TECRL: variants seen among roughly 807,000 people sequenced by gnomAD.
TECRL encodes trans-2,3-enoyl-CoA reductase like.
Under a neutral mutation model 52.8 loss-of-function variants are expected in TECRL, and 63 were observed. The observed-to-expected ratio is 1.19, with a 90% CI of 0.97 to 1.47. The LOEUF (loss-of-function observed/expected upper bound fraction) is 1.47, where lower values mean the gene tolerates loss of function less well. TECRL is among the 40% of genes most tolerant of loss of function. The pLI is 0.00. For missense variants in TECRL, 482 were observed against 429.6 expected, an observed-to-expected ratio of 1.12 and a Z score of -1.08; for synonymous variants, 164 against 141.9, an observed-to-expected ratio of 1.16 and a Z score of -1.10.
chr4:64,303,335 C>A (rs1259029704), intron 7 of TECRL, among the ~76,000 whole-genome samples: 1 of 151,394 alleles, frequency 6.6e-6, no homozygotes, highest in Non-Finnish European at 1.5e-5. Context: ...ATCCTAAGCC[C>A]ATATAACTAA....
At chr4:64,287,044 G>A (rs1367532578) in intron 9 of TECRL, among the ~76,000 whole-genome samples, 1 of 152,066 alleles carries the variant, frequency 6.6e-6, no homozygotes, top group Non-Finnish European at 1.5e-5. Context: ...CAATGTATCT[G>A]TGAATTTGGA....
intron 1 of TECRL, among the ~76,000 whole-genome samples, chr4:64,388,659 A>G (rs537832440): frequency 8.0e-4 from 121 of 151,992 alleles, no homozygotes; most frequent in Non-Finnish European, 1.3e-3. Context: ...CCACTAACAT[A>G]AAGTATCTCT....
At chr4:64,366,402 G>T (rs928774597) in intron 2 of TECRL, among the ~76,000 whole-genome samples, 2 of 151,958 alleles carry the variant, frequency 1.3e-5, no homozygotes, top group African/African-American at 4.8e-5. Context: ...CAAAAGCAAT[G>T]ATTAACAAAT....
intron 3 of TECRL, among the ~76,000 whole-genome samples, chr4:64,327,808 GA>G (rs1395762941): frequency 6.6e-6 from 1 of 151,690 alleles, no homozygotes; most frequent in Non-Finnish European, 1.5e-5. Flanking sequence ...AAAAGCAATA[GA>G]AAAAAAATTC....
At chr4:64,345,412 A>C (rs1216667446) in intron 2 of TECRL, among the ~76,000 whole-genome samples, 1 of 151,942 alleles carries the variant, frequency 6.6e-6, no homozygotes, top group African/African-American at 2.4e-5. Flanking sequence ...GACATGGATG[A>C]AGCTGGAAAC....
At chr4:64,276,335 G>T (rs1380818429), downstream of TECRL, 1 of 151,886 alleles carries the variant, frequency 6.6e-6, no homozygotes, top group Non-Finnish European at 1.5e-5. Context: ...TTTATAGGAT[G>T]AGAGTGTTAA....
chr4:64,353,984 C>G (rs996921478), intron 2 of TECRL, among the ~76,000 whole-genome samples: 3 of 151,982 alleles, frequency 2.0e-5, no homozygotes, highest in Middle Eastern at 3.2e-3. Context: ...ATAAAACAAA[C>G]AAACAAAATG....
Position 64,289,775 on chromosome 4 carries a change from A to G in TECRL, c.775-8T>C, listed in dbSNP as rs374729547. On this transcript the variant is annotated splice_polypyrimidine_tract_variant and splice_region_variant and intron_variant, in intron 8 of 11. Transcript: ENST00000381210. ...ATTCCCAGCTTCACAAATCTGCAAA[A>G]CATTTTAAACACTTTCAGTGTGATA... The G allele has an allele frequency of 6.5e-7, 1 of 1,541,036 alleles. No homozygotes were observed. Among genetic ancestry groups the G allele is most frequent in the Non-Finnish European group, 8.7e-7 (1 of 1,152,860 alleles).
chr4:64,281,668 G>C (rs190599815), intron 9 of TECRL, 109 bp from the exon 10 acceptor site: 52 of 588,276 alleles, frequency 8.8e-5, no homozygotes, highest in Non-Finnish European at 1.4e-4. Flanking sequence ...CACATGAAAT[G>C]TCATCACGTA....
intron 1 of TECRL, among the ~76,000 whole-genome samples, chr4:64,399,390 A>G (rs891544298): frequency 6.6e-6 from 1 of 152,202 alleles, no homozygotes; most frequent in Admixed American, 6.5e-5. Context: ...CGGCATAGAA[A>G]AAAAAAGAGT....
intron 2 of TECRL, among the ~76,000 whole-genome samples, chr4:64,339,946 C>T (rs768256030): frequency 7.2e-5 from 11 of 152,296 alleles, no homozygotes; most frequent in East Asian, 1.9e-4. Context: ...ACCTGAGGAA[C>T]GTACCTACTT....
chr4:64,322,453 T>TAAAA (rs77102922), intron 4 of TECRL, among the ~76,000 whole-genome samples: 1 of 114,636 alleles, frequency 8.7e-6, no homozygotes, highest in African/African-American at 3.2e-5. Flanking sequence ...GGGTTGACTT[T>TAAAA]AAAAAAAAAA....
chr4:64,316,091 A>C (rs1370536244), intron 4 of TECRL, among the ~76,000 whole-genome samples: 1 of 152,138 alleles, frequency 6.6e-6, no homozygotes, highest in Admixed American at 6.5e-5. Context: ...GTTTTAGTAC[A>C]ATAAAATGTT....
At chr4:64,334,187 TC>T (rs1261255349) in intron 2 of TECRL, among the ~76,000 whole-genome samples, 6 of 152,100 alleles carry the variant, frequency 3.9e-5, no homozygotes, top group Non-Finnish European at 7.4e-5. Context: ...TTGTCTTTCT[TC>T]TTAAGTAATA....
At chr4:64,334,486 G>A (rs555306030) in intron 2 of TECRL, among the ~76,000 whole-genome samples, 87 of 152,220 alleles carry the variant, frequency 5.7e-4, no homozygotes, top group Middle Eastern at 6.8e-3. Context: ...TGAAAAATGA[G>A]AAAACTATTT....
At chr4:64,305,627 C>A (rs1248638311) in intron 6 of TECRL, among the ~76,000 whole-genome samples, 1 of 152,164 alleles carries the variant, frequency 6.6e-6, no homozygotes, top group African/African-American at 2.4e-5. Flanking sequence ...TGCAGAGGCA[C>A]AGACAAGGAC....
chr4:64,291,977 G>C (rs1421012359), intron 8 of TECRL, among the ~76,000 whole-genome samples: 1 of 151,938 alleles, frequency 6.6e-6, no homozygotes, highest in Non-Finnish European at 1.5e-5. Flanking sequence ...GGATTTTAAA[G>C]AGCAATAATA....
At chr4:64,307,331 G>T (rs550039141) in intron 6 of TECRL, among the ~76,000 whole-genome samples, 1 of 152,128 alleles carries the variant, frequency 6.6e-6, no homozygotes, top group Non-Finnish European at 1.5e-5. Flanking sequence ...GGACCCCAAA[G>T]GTGGTCAACA....
At chr4:64,408,070 T>A (rs2109802113) in intron 1 of TECRL, among the ~76,000 whole-genome samples, 1 of 151,854 alleles carries the variant, frequency 6.6e-6, no homozygotes, top group South Asian at 2.1e-4. Flanking sequence ...AAGGTCTTAA[T>A]CTTTCTTTTC....
Sources: allele counts gnomAD v4.1 joint callset (sites outside exome capture counted in the v4.1 genomes callset), GRCh38; gene constraint gnomAD v4.1.1; transcripts MANE v1.5; gene names NCBI Gene and HGNC (gene_info 2026-07-23, HGNC 2026-07-21).